Variants in CLUAP1 observed in about 807,000 individuals in gnomAD.
CLUAP1 encodes intraflagellar transport 38.
A neutral mutation model predicts 55.0 loss-of-function variants in CLUAP1; 50 were observed. The observed-to-expected ratio is 0.91, with a 90% CI of 0.72 to 1.15. The LOEUF is 1.15. CLUAP1 is among the 50% of genes most tolerant of loss of function. The pLI is 0.00. For missense variants in CLUAP1, 530 were observed against 507.6 expected (o/e 1.04, Z -0.42); for synonymous variants, 195 against 175.4 (o/e 1.11, Z -0.88).
chr16:3,533,002 CT>C, intron 11 of CLUAP1, 161 bp downstream of exon 11: 3 of 1,366,312 alleles, frequency 2.2e-6, no homozygotes, highest in Non-Finnish European at 3.1e-6. Context: ...GCTCTGGACT[CT>C]TCGTTGCTCG....
intron 1 of CLUAP1, chr16:3,501,975 G>C (rs2037412459): frequency 6.6e-6 from 1 of 152,188 alleles, no homozygotes; most frequent in South Asian, 2.1e-4. Flanking sequence ...AGAGAGGTCA[G>C]GTAACTTGGG....
rs531848813 is a variant in CLUAP1 at position 3,508,449 on chromosome 16, A to G, written c.380A>G (p.Lys127Arg). Residue 127 changes from lysine (K) to arginine (R), a missense_variant, in exon 4 of 12, where the codon AAG becomes AGG. Physicochemically the swap from Lys to Arg is conservative, Grantham distance 26. Transcript: ENST00000576634. ...GTAGAGGAAGATGTCAACAAGTTCA[A>G]GTTTGATCTTGGCTCAAAGGTAAGG... ...EIVEEDVNKFKFDLGSKIADL... is the reference protein window; with the variant it reads ...EIVEEDVNKFRFDLGSKIADL... 1.3e-6 allele frequency: 2 copies of G among 1,577,518 alleles called. No individual in the cohort carries two copies. The highest frequency in any genetic ancestry group is 2.8e-5 in the African/African-American group (2 of 72,342).
chr16:3,527,576 C>T (rs1356818347), intron 9 of CLUAP1, among the ~76,000 whole-genome samples: 2 of 152,026 alleles, frequency 1.3e-5, no homozygotes, highest in Non-Finnish European at 2.9e-5. Context: ...GAAGACTTTA[C>T]TCCTCCACCT....
At position 3,536,160 on chromosome 16, in the gene CLUAP1, TGATGACGAG is replaced by T. The variant is rs1376833519; in HGVS notation, c.1140_1148del (p.Glu380_Asp382del). ...AGAGTGAAATTGACATGGAAGATGA[TGATGACGAG>T]GATGACGATTTGGAAGACGAGAGCA... On this transcript the variant is annotated inframe_deletion, in exon 12 of 12. Coordinates refer to ENST00000576634, the MANE Select transcript of CLUAP1 (RefSeq NM_015041.3). The T allele has an allele frequency of 6.8e-6, 11 of 1,614,042 alleles. No individual in the cohort carries two copies. The highest frequency in any genetic ancestry group is 9.3e-6 in the Non-Finnish European group (11 of 1,180,042).
chr16:3,496,131 ACTC>A (rs1040814910), upstream of CLUAP1: 20 of 384,564 alleles, frequency 5.2e-5, no homozygotes, highest in African/African-American at 4.1e-4. Context: ...GCAGAGCGAG[ACTC>A]CGTCTCAAAA....
intron 5 of CLUAP1, among the ~76,000 whole-genome samples, chr16:3,515,132 C>A (rs1267533655): frequency 6.6e-6 from 1 of 151,276 alleles, no homozygotes; most frequent in African/African-American, 2.4e-5. Context: ...TGTGGGAGAC[C>A]AAGGAACGTG....
In CLUAP1 at chr16:3,529,503, TA is replaced by T. The variant is rs56658162; in HGVS notation, c.929-1064del. 1.5e-3 allele frequency among the ~76,000 whole-genome samples: 100 copies of T among 66,694 alleles called. 1 individual carries two copies. Among genetic ancestry groups the T allele is most frequent in the Admixed American group, 2.6e-3 (10 of 3,814 alleles). The allele number at this position is 66,694 out of a possible 152,430, so 43.8% of individuals were successfully genotyped here. On this transcript the variant is annotated intron_variant, in intron 9 of 11. Coordinates refer to ENST00000576634, the MANE Select transcript of CLUAP1 (RefSeq NM_015041.3). ...TATATTATATAATTATATTATATTA[TA>T]TATATTATATAATTATATATTATTA...
rs1260893372 is a variant in CLUAP1, at chr16:3,519,897, A to G, written c.580-6A>G. ...ACCTTGTCTCATTATTTCCCATTAA[A>G]TATAGACACAGGTTCAGAAGACTAA... On this transcript the variant is annotated splice_region_variant and splice_polypyrimidine_tract_variant and intron_variant, in intron 6 of 11. Coordinates refer to ENST00000576634, the MANE Select transcript of CLUAP1 (RefSeq NM_015041.3). 1.9e-6 allele frequency: 3 copies of G among 1,585,070 alleles called. No individual in the cohort carries two copies. The highest frequency in any genetic ancestry group is 2.6e-6 in the Non-Finnish European group (3 of 1,171,504).
At chr16:3,508,090 C>G (rs900707341) in intron 3 of CLUAP1, among the ~76,000 whole-genome samples, 199 bp from the exon 4 acceptor site, 1 of 151,982 alleles carries the variant, frequency 6.6e-6, no homozygotes, top group African/African-American at 2.4e-5. Context: ...ATTTTGATGT[C>G]TTTTACCAAA....
chr16:3,510,283 C>T (rs1274472379), intron 4 of CLUAP1, among the ~76,000 whole-genome samples: 3 of 151,758 alleles, frequency 2.0e-5, no homozygotes, highest in Non-Finnish European at 2.9e-5. Context: ...CGTGAGCCAC[C>T]GCACCCGGCT....
upstream of CLUAP1, among the ~76,000 whole-genome samples, chr16:3,500,265 T>C (rs1210895436): frequency 1.3e-5 from 2 of 152,160 alleles, no homozygotes; most frequent in Non-Finnish European, 2.9e-5. Flanking sequence ...GGCCTGCCTC[T>C]GGGCGCCCAC....
rs1250622847 is a variant in CLUAP1, at chr16:3,537,231, T to A, written c.*960T>A. ...GGAAGGAGCCAATTAAGAAAAAGTG[T>A]TGGTACAGATTCATGTTTCTGATTT... On this transcript the variant is annotated 3_prime_UTR_variant, in exon 12 of 12. Transcript: ENST00000576634. 6.6e-6 allele frequency: 1 copy of A among 152,212 alleles called. No individual in the cohort carries two copies. Among genetic ancestry groups the A allele is most frequent in the Non-Finnish European group, 1.5e-5 (1 of 68,040 alleles). The allele number at this position is 152,212 out of a possible 1,614,324, so 9.4% of individuals were successfully genotyped here.
intron 8 of CLUAP1, 90 bp from the exon 9 acceptor site, chr16:3,526,322 A>C: frequency 1.3e-6 from 1 of 761,718 alleles, no homozygotes; most frequent in Non-Finnish European, 1.9e-6. Flanking sequence ...TCTGTAGCAC[A>C]AACTTAGCAG....
intron 6 of CLUAP1, among the ~76,000 whole-genome samples, chr16:3,517,685 T>A (rs576942024): frequency 6.6e-6 from 1 of 152,202 alleles, no homozygotes; most frequent in East Asian, 1.9e-4. Context: ...ACCCCCTTAA[T>A]CAAGAGATCA....
intron 1 of CLUAP1, 107 bp from the exon 2 acceptor site, chr16:3,504,613 G>A (rs556603901): frequency 1.4e-6 from 1 of 708,508 alleles, no homozygotes; most frequent in East Asian, 2.6e-5. Context: ...AGTCCCTAAA[G>A]CTGTCAATAG....
chr16:3,497,022 C>G (rs989913271), upstream of CLUAP1, among the ~76,000 whole-genome samples: 1 of 151,966 alleles, frequency 6.6e-6, no homozygotes, highest in East Asian at 1.9e-4. Flanking sequence ...AGGCACCCAC[C>G]ACCACGCCCA....
At chr16:3,525,041 G>T (rs1288327631) in intron 8 of CLUAP1, among the ~76,000 whole-genome samples, 1 of 152,146 alleles carries the variant, frequency 6.6e-6, no homozygotes, top group Non-Finnish European at 1.5e-5. Context: ...CTATTTTGTT[G>T]TCCAGGAGGG....
rs889030549 is a variant in CLUAP1 at position 3,537,361 on chromosome 16, CTTT to C, written c.*1097_*1099del. The C allele has an allele frequency of 1.3e-5, 2 of 150,900 alleles. No individual in the cohort carries two copies. The highest frequency in any genetic ancestry group is 4.9e-5 in the African/African-American group (2 of 41,056). 9.3% of individuals were successfully genotyped at this position (150,900 alleles called of 1,614,324 possible). ...GTTGGTTTTTTTCTTTTTTCTTCTT[CTTT>C]TTTTTTAATATGAAAAGTACTTAGC... is the stretch of plus-strand genomic sequence containing the variant. On this transcript the variant is annotated 3_prime_UTR_variant, in exon 12 of 12. Transcript: ENST00000576634.
intron 4 of CLUAP1, 67 bp from the exon 5 acceptor site, chr16:3,512,316 C>A: frequency 8.0e-7 from 1 of 1,247,466 alleles, no homozygotes; most frequent in Non-Finnish European, 1.2e-6. Context: ...GGTAACATAG[C>A]CAAGACCCTG....
Sources: gnomAD v4.1 joint callset for allele counts (sites outside exome capture counted in the v4.1 genomes callset) on GRCh38, gnomAD v4.1.1 for gene constraint, MANE v1.5 for transcripts, NCBI Gene and HGNC (gene_info 2026-07-23, HGNC 2026-07-21) for gene names.